GRID1: variants seen among roughly 807,000 people sequenced by gnomAD.
GRID1 encodes glutamate receptor ionotropic, delta-1.
In GRID1, 28 loss-of-function variants were observed where a neutral mutation model predicts 98.0. The ratio of observed to expected loss-of-function variants is 0.29; its 90% CI spans 0.21 to 0.39. GRID1 has a LOEUF of 0.39. GRID1 is among the 10% of genes least tolerant of loss of function. The pLI is 1.00. For synonymous variants in GRID1, 553 were observed against 538.5 expected, an observed-to-expected ratio of 1.03 and a Z score of -0.37; for missense variants, 1,111 against 1,340.5, an observed-to-expected ratio of 0.83 and a Z score of 2.67.
intron 5 of GRID1, among the ~76,000 whole-genome samples, chr10:85,914,512 C>T (rs931829611): frequency 6.6e-6 from 1 of 152,092 alleles, no homozygotes; most frequent in African/African-American, 2.4e-5. Context: ...CAGTCATGTC[C>T]CTTCTAATTA....
At chr10:86,026,811 C>T (rs976175076) in intron 4 of GRID1, among the ~76,000 whole-genome samples, 1 of 152,196 alleles carries the variant, frequency 6.6e-6, no homozygotes, top group African/African-American at 2.4e-5. Context: ...AGGTCCAGCC[C>T]TCATGTGGAG....
chr10:85,785,243 A>G (rs1211798808), intron 8 of GRID1, among the ~76,000 whole-genome samples: 3 of 152,238 alleles, frequency 2.0e-5, no homozygotes, highest in Non-Finnish European at 2.9e-5. Context: ...GGAATTCACT[A>G]TGCTGGTCTC....
At chr10:85,682,688 G>A (rs1841224165) in intron 12 of GRID1, among the ~76,000 whole-genome samples, 1 of 152,230 alleles carries the variant, frequency 6.6e-6, no homozygotes, top group African/African-American at 2.4e-5. Flanking sequence ...GGTGTGGAGA[G>A]GAGATGGAGG....
At chr10:85,665,441 T>C (rs1250108190) in intron 12 of GRID1, among the ~76,000 whole-genome samples, 1 of 152,194 alleles carries the variant, frequency 6.6e-6, no homozygotes, top group African/African-American at 2.4e-5. Flanking sequence ...CTGCAGATGG[T>C]GTTTAATAAC....
At position 86,089,067 on chromosome 10, in the gene GRID1, A is replaced by G. The variant is rs539227780; in HGVS notation, c.726+49752T>C. Among the ~76,000 whole-genome samples the G allele has an allele frequency of 1.4e-4, 21 of 152,302 alleles. No homozygotes were observed. The East Asian group carries it at 3.3e-3, about 24-fold the overall frequency. ...CCCAACACCAGCAAAGCCCGAGTGC[A>G]GATCCCAGACTCCCCATCTTCACCA... On this transcript the variant is annotated intron_variant, in intron 4 of 15. Transcript: ENST00000327946.
intron 4 of GRID1, among the ~76,000 whole-genome samples, chr10:86,060,379 G>T (rs75784209): frequency 0.023 from 3,463 of 152,290 alleles, 67 homozygotes; most frequent in East Asian, 0.067. Context: ...CTACAGGGGC[G>T]AAGTGGGAAG....
intron 12 of GRID1, among the ~76,000 whole-genome samples, chr10:85,677,002 C>A (rs1258505008): frequency 3.3e-5 from 5 of 152,106 alleles, no homozygotes; most frequent in Admixed American, 6.6e-5. Flanking sequence ...CTGCTGTTTG[C>A]AGATGAGCTG....
chr10:85,937,128 C>G (rs946631875), intron 4 of GRID1, among the ~76,000 whole-genome samples: 12 of 152,204 alleles, frequency 7.9e-5, no homozygotes, highest in African/African-American at 2.9e-4. Flanking sequence ...TTCACCTGAG[C>G]AGCTTCAGAA....
At chr10:85,820,311 C>A (rs1011835624) in intron 8 of GRID1, among the ~76,000 whole-genome samples, 1 of 151,998 alleles carries the variant, frequency 6.6e-6, no homozygotes, top group Non-Finnish European at 1.5e-5. Context: ...GAGGAAAGAG[C>A]CACGATGACT....
intron 2 of GRID1, among the ~76,000 whole-genome samples, chr10:86,329,491 C>G (rs1220120547): frequency 6.6e-6 from 1 of 152,208 alleles, no homozygotes; most frequent in African/African-American, 2.4e-5. Flanking sequence ...AGGGCTTTGG[C>G]AAGGAGCCCC....
At chr10:85,724,709 G>T in intron 10 of GRID1, 33 bp from the exon 11 acceptor site, 1 of 1,563,414 alleles carries the variant, frequency 6.4e-7, no homozygotes, top group East Asian at 2.2e-5. Context: ...TTAGACGGCA[G>T]TCCTCAGCTT....
At chr10:85,652,451 G>A (rs1843284823) in intron 12 of GRID1, among the ~76,000 whole-genome samples, 1 of 152,204 alleles carries the variant, frequency 6.6e-6, no homozygotes, top group African/African-American at 2.4e-5. Flanking sequence ...CCTGATACAT[G>A]TGGATCTGGA....
intron 4 of GRID1, among the ~76,000 whole-genome samples, chr10:86,045,957 G>T (rs1481655786): frequency 6.6e-6 from 1 of 152,152 alleles, no homozygotes; most frequent in African/African-American, 2.4e-5. Context: ...CCATGGACTT[G>T]AGCAGGGGAT....
chr10:85,825,505 T>C (rs1842811387), intron 8 of GRID1, among the ~76,000 whole-genome samples: 2 of 152,338 alleles, frequency 1.3e-5, no homozygotes, highest in South Asian at 4.1e-4. Context: ...ACTCTGATTA[T>C]TCTTTTGCTG....
At chr10:86,328,081 T>G (rs1848079053) in intron 2 of GRID1, among the ~76,000 whole-genome samples, 1 of 152,214 alleles carries the variant, frequency 6.6e-6, no homozygotes, top group Admixed American at 6.5e-5. Flanking sequence ...TGTGGTGGAT[T>G]TATATGAAAT....
chr10:85,985,196 T>C (rs1437405116), intron 4 of GRID1, among the ~76,000 whole-genome samples: 3 of 152,202 alleles, frequency 2.0e-5, no homozygotes, highest in Admixed American at 1.3e-4. Flanking sequence ...ACAATAGTAA[T>C]AGATGTTTCT....
intron 12 of GRID1, among the ~76,000 whole-genome samples, chr10:85,704,217 G>T (rs1303565031): frequency 6.6e-6 from 1 of 152,034 alleles, no homozygotes; most frequent in Non-Finnish European, 1.5e-5. Flanking sequence ...CTGTATTCAG[G>T]AAACCCATCT....
chr10:85,772,220 C>T (rs1842277222), intron 8 of GRID1, among the ~76,000 whole-genome samples: 1 of 152,116 alleles, frequency 6.6e-6, no homozygotes, highest in Non-Finnish European at 1.5e-5. Context: ...TCCTGAATGA[C>T]TACTGGGTAC....
intron 3 of GRID1, among the ~76,000 whole-genome samples, chr10:86,189,889 G>T (rs896272669): frequency 5.9e-5 from 9 of 152,136 alleles, no homozygotes; most frequent in African/African-American, 2.2e-4. Context: ...CTCCTAACAT[G>T]GCTTTCCAGG....
Sources: gnomAD v4.1 joint callset for allele counts (sites outside exome capture counted in the v4.1 genomes callset) on GRCh38, gnomAD v4.1.1 for gene constraint, MANE v1.5 for transcripts, NCBI Gene and HGNC (gene_info 2026-07-23, HGNC 2026-07-21) for gene names.